ATP8A2: variants seen among roughly 807,000 people sequenced by gnomAD.
ATP8A2 encodes ATPase phospholipid transporting 8A2.
ATP8A2 carries 100 observed loss-of-function variants against 165.6 expected under a neutral mutation model. That is an observed-to-expected ratio of 0.60 (90% CI 0.51 to 0.71). The LOEUF is 0.71. Ranked by LOEUF, ATP8A2 falls within the 30% of genes least tolerant of loss-of-function variation. The pLI is 0.00. For missense variants in ATP8A2, 1,227 were observed against 1,479.5 expected (o/e 0.83, Z 2.80); for synonymous variants, 543 against 548.8 (o/e 0.99, Z 0.15).
At position 25,738,346 on chromosome 13, in the gene ATP8A2, C is replaced by CG. The variant is rs1167081755; in HGVS notation, c.2385-30700_2385-30699insG. ...TTTTCTTTTTGTGCCCCCCTCCCCC[C>CG]CCCCCACACACACTTCTTCTGGTAG... On this transcript the variant is annotated intron_variant, in intron 25 of 36. Transcript: ENST00000381655. Among the ~76,000 whole-genome samples the CG allele has an allele frequency of 6.1e-5, 8 of 131,652 alleles. No homozygotes were observed. In the South Asian group the frequency reaches 8.1e-4, roughly 13 times the overall value. The allele number at this position is 131,652 out of a possible 152,430, so 86.4% of individuals were successfully genotyped here. A position where few individuals can be genotyped will look rare whatever the true frequency, so the allele number is the denominator to read the frequency against.
At chr13:25,966,412 A>G (rs1379140641) in intron 34 of ATP8A2, among the ~76,000 whole-genome samples, 2 of 152,216 alleles carry the variant, frequency 1.3e-5, no homozygotes, top group African/African-American at 4.8e-5. Context: ...TGTAGCCTTT[A>G]GACAGGGGAG....
intron 24 of ATP8A2, among the ~76,000 whole-genome samples, chr13:25,684,145 C>T (rs879475422): frequency 3.9e-5 from 6 of 152,152 alleles, no homozygotes; most frequent in Non-Finnish European, 7.3e-5. Context: ...CCAGTTAGCC[C>T]TTGAGTGTGT....
At chr13:25,428,439 C>T (rs903834914) in intron 1 of ATP8A2, among the ~76,000 whole-genome samples, 1 of 152,146 alleles carries the variant, frequency 6.6e-6, no homozygotes, top group African/African-American at 2.4e-5. Context: ...ATAGTGTCTA[C>T]TCCTTGAGAT....
rs1476574626 is a variant in ATP8A2, at chr13:25,872,424, G to A, written c.3183+10016G>A. On this transcript the variant is annotated intron_variant, in intron 33 of 36. Transcript: ENST00000381655. ...ACCCCTGGATCCAGCTCTGCCTGAA[G>A]CTAGAGCCATCTCTGACCTGTTAGA... Among the ~76,000 whole-genome samples, 14 of 152,286 alleles carry A rather than the reference G, an allele frequency of 9.2e-5. No homozygotes were observed. In the East Asian group the frequency reaches 2.7e-3, roughly 29 times the overall value.
chr13:25,672,979 A>G (rs1036203765), intron 24 of ATP8A2, among the ~76,000 whole-genome samples: 4 of 152,186 alleles, frequency 2.6e-5, no homozygotes, highest in Admixed American at 2.0e-4. Flanking sequence ...GGGAGGGAGC[A>G]GGGTAGAGAC....
intron 33 of ATP8A2, among the ~76,000 whole-genome samples, chr13:25,904,991 C>G (rs1422293235): frequency 1.3e-5 from 2 of 152,206 alleles, no homozygotes. Context: ...CAGATACCTG[C>G]ATGCGCATGG....
chr13:25,451,650 T>C (rs755600345), intron 1 of ATP8A2, among the ~76,000 whole-genome samples: 1 of 152,230 alleles, frequency 6.6e-6, no homozygotes, highest in Admixed American at 6.5e-5. Context: ...TAGCTTAGAC[T>C]TCGTAGGTTC....
chr13:25,706,804 G>A (rs369461040), intron 25 of ATP8A2, among the ~76,000 whole-genome samples: 12 of 152,206 alleles, frequency 7.9e-5, no homozygotes, highest in African/African-American at 2.4e-4. Context: ...CTGTTTGATT[G>A]TGGCTTAGTA....
intron 2 of ATP8A2, among the ~76,000 whole-genome samples, chr13:25,507,873 A>G (rs910311113): frequency 6.6e-6 from 1 of 152,224 alleles, no homozygotes; most frequent in Non-Finnish European, 1.5e-5. Flanking sequence ...TGTAAACTAC[A>G]TAATATAAAA....
intron 24 of ATP8A2, among the ~76,000 whole-genome samples, chr13:25,686,670 C>T (rs192058581): frequency 6.6e-6 from 1 of 152,172 alleles, no homozygotes; most frequent in African/African-American, 2.4e-5. Flanking sequence ...GAACAGTTAA[C>T]CTCTTGTCAA....
intron 2 of ATP8A2, among the ~76,000 whole-genome samples, chr13:25,504,511 C>T (rs568853152): frequency 2.1e-3 from 286 of 138,652 alleles, no homozygotes; most frequent in African/African-American, 7.0e-3. Flanking sequence ...GAGGCCGAGG[C>T]GGGTGGATCA....
At chr13:25,853,748 G>A (rs9507590) in intron 30 of ATP8A2, among the ~76,000 whole-genome samples, 77,541 of 151,868 alleles carry the variant, frequency 0.51, 20,386 homozygotes, top group South Asian at 0.62. Flanking sequence ...TGAGCAGATG[G>A]GTTGAGATGG....
intron 35 of ATP8A2, among the ~76,000 whole-genome samples, chr13:26,002,535 G>T (rs1956649218): frequency 6.7e-6 from 1 of 150,104 alleles, no homozygotes; most frequent in Admixed American, 6.7e-5. Context: ...TGCAGGCTGT[G>T]CACATGTACC....
At chr13:25,389,667 C>A (rs1378966784) in intron 1 of ATP8A2, among the ~76,000 whole-genome samples, 1 of 152,192 alleles carries the variant, frequency 6.6e-6, no homozygotes. Context: ...TTACTCAAAT[C>A]AACAAATATT....
intron 33 of ATP8A2, among the ~76,000 whole-genome samples, chr13:25,912,768 C>T (rs1047940033): frequency 6.6e-6 from 1 of 151,968 alleles, no homozygotes; most frequent in Non-Finnish European, 1.5e-5. Context: ...GTTGTAATTC[C>T]AATCAAGGTT....
In ATP8A2 at chr13:25,442,568, C is replaced by T. The variant is rs79085396; in HGVS notation, c.77-26409C>T. Among the ~76,000 whole-genome samples the T allele has an allele frequency of 5.1e-3, 770 of 152,244 alleles. 5 individuals carry two copies. The highest frequency in any genetic ancestry group is 0.017 in the African/African-American group (696 of 41,542). ...AGCTGGGACTATGGGTGCACACCAC[C>T]GTACCTGCCTAATTAAAATAATTTT... is the stretch of plus-strand genomic sequence containing the variant. On this transcript the variant is annotated intron_variant, in intron 1 of 36. Transcript: ENST00000381655.
chr13:25,498,387 C>T, intron 2 of ATP8A2, among the ~76,000 whole-genome samples: 1 of 152,176 alleles, frequency 6.6e-6, no homozygotes, highest in Non-Finnish European at 1.5e-5. Flanking sequence ...GGACTCGAGT[C>T]CTTCCATGAT....
intron 27 of ATP8A2, among the ~76,000 whole-genome samples, chr13:25,815,857 A>C (rs1052146747): frequency 6.6e-6 from 1 of 152,238 alleles, no homozygotes; most frequent in Non-Finnish European, 1.5e-5. Flanking sequence ...TTTAGCCTTA[A>C]AAAGAATGAA....
chr13:25,681,516 G>C (rs2137808148), intron 24 of ATP8A2, among the ~76,000 whole-genome samples: 1 of 152,292 alleles, frequency 6.6e-6, no homozygotes, highest in Non-Finnish European at 1.5e-5. Context: ...GGGCATTGGT[G>C]CCTTTTGTTC....
Sources: gnomAD v4.1 joint callset for allele counts (sites outside exome capture counted in the v4.1 genomes callset) on GRCh38, gnomAD v4.1.1 for gene constraint, MANE v1.5 for transcripts, NCBI Gene and HGNC (gene_info 2026-07-23, HGNC 2026-07-21) for gene names.